PCDHGA3: variants seen among roughly 807,000 people sequenced by gnomAD.
The protein encoded by PCDHGA3 is protocadherin gamma subfamily A, 3, also known as protocadherin gamma-A3.
Under a neutral mutation model 58.5 loss-of-function variants are expected in PCDHGA3, and 40 were observed. The observed-to-expected ratio is 0.68, with a 90% CI of 0.53 to 0.89. The LOEUF (loss-of-function observed/expected upper bound fraction) is 0.89. Ranked by LOEUF, PCDHGA3 falls within the 40% of genes least tolerant of loss-of-function variation. PCDHGA3 has a pLI of 0.00. For synonymous variants in PCDHGA3, 530 were observed against 525.7 expected, an observed-to-expected ratio of 1.01 and a Z score of -0.11; for missense variants, 1,223 against 1,195.9, an observed-to-expected ratio of 1.02 and a Z score of -0.33.
intron 1 of PCDHGA3, chr5:141,400,753 T>C: frequency 1.7e-6 from 1 of 597,232 alleles, no homozygotes; most frequent in Non-Finnish European, 2.9e-6. Flanking sequence ...CTTAGCTTCC[T>C]CTCTAGCAAA....
At chr5:141,394,802 C>G (rs773531449) in intron 1 of PCDHGA3, 1 of 1,613,810 alleles carries the variant, frequency 6.2e-7, no homozygotes, top group South Asian at 1.1e-5. Context: ...TCACCGTAGC[C>G]GTGGCTGACA....
At chr5:141,362,396 T>C in intron 1 of PCDHGA3, 1 of 1,614,058 alleles carries the variant, frequency 6.2e-7, no homozygotes, top group African/African-American at 1.3e-5. Context: ...TCCTACAACC[T>C]GTGTGTTGCC....
At position 141,477,401 on chromosome 5, in the gene PCDHGA3, G is replaced by T. The variant is rs781253466; in HGVS notation, c.2425-17406G>T. On this transcript the variant is annotated intron_variant, in intron 1 of 3. Coordinates refer to ENST00000253812, the MANE Select transcript of PCDHGA3 (RefSeq NM_018916.4). The surrounding 1 kb of genome is among the most constrained non-coding windows in gnomAD (Gnocchi z 4.9). ...GCCAGAATACAACCTCAGCATCACC[G>T]CCCGAGACGCCGGAACCCCTTCCCT... 8 of 1,613,960 alleles carry T rather than the reference G, an allele frequency of 5.0e-6. No homozygotes were observed. The highest frequency in any genetic ancestry group is 4.5e-5 in the East Asian group (2 of 44,890).
intron 1 of PCDHGA3, chr5:141,384,958 T>A: frequency 6.2e-7 from 1 of 1,613,954 alleles, no homozygotes; most frequent in Non-Finnish European, 8.5e-7. Context: ...TCCTTACAAC[T>A]ATGACCTCAC....
In PCDHGA3 at chr5:141,502,866, CT is replaced by C. The variant is rs549047197; in HGVS notation, c.2484-2513del. Among the ~76,000 whole-genome samples the C allele has an allele frequency of 2.5e-3, 324 of 127,930 alleles. 1 individual carries two copies. Among genetic ancestry groups the C allele is most frequent in the Non-Finnish European group, 3.0e-3 (189 of 62,366 alleles). 83.9% of individuals were successfully genotyped at this position (127,930 alleles called of 152,430 possible). On this transcript the variant is annotated intron_variant, in intron 2 of 3. Transcript: ENST00000253812. ...GAGCTGCCTAACCCTGACTCTCTGT[CT>C]TTTTTTTTTTTTTGACAGGGAGTCT...
intron 1 of PCDHGA3, chr5:141,398,793 A>C (rs376843278): frequency 6.2e-7 from 1 of 1,613,948 alleles, no homozygotes; most frequent in African/African-American, 1.3e-5. Context: ...ATCCACCCCT[A>C]AGCGGCACCA....
rs535739297 is a variant in PCDHGA3, at chr5:141,399,960, G to A, written c.2424+53503G>A. ...ACGTGCTGCAGGCTAGCGAGCCCGG[G>A]CTCTTCAGCCTGGGGCTGCGCACAG... On this transcript the variant is annotated intron_variant, in intron 1 of 3. Transcript: ENST00000253812. 8.1e-6 allele frequency: 13 copies of A among 1,612,214 alleles called. No homozygotes were observed. The African/African-American group carries it at 1.6e-4, about 20-fold the overall frequency.
At chr5:141,394,751 C>A in intron 1 of PCDHGA3, 3 of 1,613,428 alleles carry the variant, frequency 1.9e-6, no homozygotes, top group Non-Finnish European at 2.5e-6. Context: ...TGGTGGCCGT[C>A]CAGGACCATG....
intron 1 of PCDHGA3, chr5:141,377,280 A>G (rs1773849718): frequency 6.6e-6 from 1 of 151,152 alleles, no homozygotes; most frequent in Non-Finnish European, 1.5e-5. Context: ...GGGAAAAAAA[A>G]TAACCTTAAT....
Position 141,345,598 on chromosome 5 carries a change from AC to A in PCDHGA3, c.1566del (p.Tyr522Ter). On this transcript the variant is annotated frameshift_variant, in exon 1 of 4. Coordinates refer to ENST00000253812, the MANE Select transcript of PCDHGA3 (RefSeq NM_018916.4). LOFTEE classifies it high-confidence loss of function. ...CTATACGCGCTGAGATCCTTCGACT[AC>A]GAGCAATTTAGAGACTTAAAGCTAC... ...GVLYALRSFD[Y>X]EQFRDLKLLV... 3.1e-6 allele frequency: 5 copies of A among 1,614,168 alleles called. No individual in the cohort carries two copies. Among genetic ancestry groups the A allele is most frequent in the Middle Eastern group, 3.3e-4 (2 of 6,062 alleles).
intron 3 of PCDHGA3, 149 bp downstream of exon 3, chr5:141,505,630 A>G (rs558394591): frequency 4.7e-5 from 69 of 1,480,262 alleles, no homozygotes; most frequent in Admixed American, 2.2e-5. Flanking sequence ...AATTCCAAAC[A>G]TAAAGCCTGG....
chr5:141,393,263 A>C, intron 1 of PCDHGA3: 1 of 1,613,926 alleles, frequency 6.2e-7, no homozygotes, highest in Non-Finnish European at 8.5e-7. Flanking sequence ...TTCCTGGAGC[A>C]CGTTATCCAC....
chr5:141,413,555 T>C (rs1270604020), intron 1 of PCDHGA3: 1 of 1,613,852 alleles, frequency 6.2e-7, no homozygotes. Flanking sequence ...GAAATAGAAG[T>C]AACTGATATC....
intron 1 of PCDHGA3, chr5:141,422,699 C>T: frequency 6.2e-7 from 1 of 1,603,420 alleles, no homozygotes; most frequent in Middle Eastern, 1.7e-4. Flanking sequence ...GTCACTTACT[C>T]TCTGACGGAT....
rs377138746 is a variant in PCDHGA3 at position 141,432,481 on chromosome 5, C to T, written c.2425-62326C>T. ...CCCTCCCCACGGACGGTTCCACTGG[C>T]GTGGAGCTGGCTCCCCGCTCCGCAG... On this transcript the variant is annotated intron_variant, in intron 1 of 3. Transcript: ENST00000253812. This position sits in a 1 kb window ranked among gnomAD's most constrained non-coding sequence, Gnocchi z 6.0. The T allele has an allele frequency of 1.1e-5, 17 of 1,614,198 alleles. No individual in the cohort carries two copies. The African/African-American group carries it at 1.7e-4, about 16-fold the overall frequency.
intron 1 of PCDHGA3, chr5:141,375,207 ACT>A: frequency 3.7e-6 from 6 of 1,613,896 alleles, no homozygotes; most frequent in Non-Finnish European, 5.1e-6. Flanking sequence ...TTCGATCGAG[ACT>A]CTGGCCTGAA....
intron 1 of PCDHGA3, among the ~76,000 whole-genome samples, chr5:141,444,106 G>A (rs2098417269): frequency 7.6e-6 from 1 of 131,112 alleles, no homozygotes; most frequent in South Asian, 2.6e-4. Flanking sequence ...TGGAAACCAA[G>A]AAAAGTGAAG....
chr5:141,507,631 C>T (rs1435446169), intron 3 of PCDHGA3, among the ~76,000 whole-genome samples: 4 of 152,236 alleles, frequency 2.6e-5, no homozygotes, highest in East Asian at 3.8e-4. Context: ...TGTGGCCTTG[C>T]GCCCTGAGGC....
chr5:141,497,218 GA>G (rs1172998466), intron 2 of PCDHGA3, among the ~76,000 whole-genome samples: 1 of 149,792 alleles, frequency 6.7e-6, no homozygotes, highest in Non-Finnish European at 1.5e-5. Flanking sequence ...ATGGGGGGGG[GA>G]AGATCAGAGA....
Sources: allele counts gnomAD v4.1 joint callset (sites outside exome capture counted in the v4.1 genomes callset), GRCh38; gene constraint gnomAD v4.1.1; non-coding constraint Gnocchi (gnomAD v3.1); transcripts MANE v1.5; gene names NCBI Gene and HGNC (gene_info 2026-07-23, HGNC 2026-07-21).